The following PDE3A variants were observed in gnomAD, a reference collection of about 807,000 sequenced individuals.
PDE3A encodes the protein cGMP-inhibited 3',5'-cyclic phosphodiesterase 3A.
A neutral mutation model predicts 98.3 loss-of-function variants in PDE3A; 43 were observed. The ratio of observed to expected loss-of-function variants is 0.44; its 90% confidence interval spans 0.34 to 0.56. The LOEUF (loss-of-function observed/expected upper bound fraction) is 0.56, where lower values mean the gene tolerates loss of function less well. PDE3A is among the 20% of genes least tolerant of loss of function. The pLI, the probability that PDE3A is intolerant of heterozygous loss-of-function variation, is 0.01. For synonymous variants in PDE3A, 663 were observed against 567.9 expected, an observed-to-expected ratio of 1.17 and a Z score of -2.38; for missense variants, 1,427 against 1,440.7, an observed-to-expected ratio of 0.99 and a Z score of 0.15.
chr12:20,512,186 A>G (rs925206878), intron 1 of PDE3A, among the ~76,000 whole-genome samples: 7 of 151,960 alleles, frequency 4.6e-5, no homozygotes, highest in African/African-American at 1.5e-4. Context: ...ATACGTCGCT[A>G]TTGGTCCATT....
intron 10 of PDE3A, among the ~76,000 whole-genome samples, chr12:20,643,138 G>A (rs1345387250): frequency 2.0e-5 from 3 of 152,114 alleles, no homozygotes; most frequent in East Asian, 1.9e-4. Context: ...TAAAGAGGGC[G>A]AGGGGGTTGC....
Position 20,552,734 on chromosome 12 carries a change from A to G in PDE3A, c.961-3926A>G. The G allele has an allele frequency of 6.2e-7, 1 of 1,614,064 alleles. No homozygotes were observed. ...TGGAATGAGGTCCTGGCGTCACTCA[A>G]GGACCGGCCGGCGAGCGGCAGCCCG... On this transcript the variant is annotated intron_variant, in intron 1 of 15. Coordinates refer to ENST00000359062, the MANE Select transcript of PDE3A (RefSeq NM_000921.5). The surrounding 1 kb of genome is among the most constrained non-coding windows in gnomAD (Gnocchi z 5.1).
chr12:20,400,488 G>C (rs530132712), intron 1 of PDE3A, among the ~76,000 whole-genome samples: 1 of 140,144 alleles, frequency 7.1e-6, no homozygotes, highest in South Asian at 2.3e-4. Context: ...CTCACTGCAA[G>C]CTCCACCTCC....
intron 1 of PDE3A, among the ~76,000 whole-genome samples, chr12:20,402,130 G>A (rs1012921444): frequency 1.4e-4 from 21 of 152,062 alleles, no homozygotes; most frequent in African/African-American, 3.9e-4. Context: ...GAGCTAACAA[G>A]ACCTCCTGGG....
intron 15 of PDE3A, among the ~76,000 whole-genome samples, chr12:20,671,759 A>T (rs2120428026): frequency 7.2e-6 from 1 of 139,288 alleles, no homozygotes; most frequent in East Asian, 2.1e-4. Flanking sequence ...AATGGGCAAA[A>T]ACTGGAAGCA....
At chr12:20,496,221 T>G (rs1945916206) in intron 1 of PDE3A, among the ~76,000 whole-genome samples, 1 of 152,170 alleles carries the variant, frequency 6.6e-6, no homozygotes, top group African/African-American at 2.4e-5. Context: ...CAATTAAGTA[T>G]TCCATATGTT....
chr12:20,653,584 G>T (rs978338906), intron 14 of PDE3A, among the ~76,000 whole-genome samples: 1 of 152,056 alleles, frequency 6.6e-6, no homozygotes, highest in Non-Finnish European at 1.5e-5. Context: ...GGCTGGTCTC[G>T]ATTTGCCCAC....
At chr12:20,590,975 T>C (rs1402201362) in intron 2 of PDE3A, among the ~76,000 whole-genome samples, 2 of 152,224 alleles carry the variant, frequency 1.3e-5, no homozygotes, top group South Asian at 4.1e-4. Flanking sequence ...AGAGCACTTG[T>C]ACCAGGCATA....
chr12:20,641,095 A>G (rs1944638284), intron 10 of PDE3A, among the ~76,000 whole-genome samples: 1 of 152,142 alleles, frequency 6.6e-6, no homozygotes, highest in African/African-American at 2.4e-5. Context: ...TATTATGAGC[A>G]TATTTATTGT....
intron 2 of PDE3A, 116 bp downstream of exon 2, chr12:20,556,826 G>A (rs536114515): frequency 7.2e-5 from 56 of 774,772 alleles, no homozygotes; most frequent in Middle Eastern, 4.6e-4. Flanking sequence ...AAATAACCAT[G>A]CCATTTGTTT....
At position 20,616,230 on chromosome 12, in the gene PDE3A, C is replaced by T. The variant is rs532896888; in HGVS notation, c.1270C>T (p.Arg424Cys). Residue 424 changes from arginine to cysteine, a missense_variant and splice_region_variant, in exon 4 of 16, where the codon CGC becomes TGC. Physicochemically the swap from Arg to Cys is radical, Grantham distance 180. Transcript: ENST00000359062. ...TAATGAAGTCAAGTCTCTTTCCTAG[C>T]GCCTGAGAAGGAGTTTGCCTCCTGG... is the stretch of plus-strand genomic sequence containing the variant. ...SEKDKLAIPKRLRRSLPPGLL... is the reference protein window; with the variant it reads ...SEKDKLAIPKCLRRSLPPGLL... 2.2e-5 allele frequency: 36 copies of T among 1,613,372 alleles called. No homozygotes were observed. In the East Asian group the frequency reaches 2.9e-4, roughly 13 times the overall value.
chr12:20,447,340 G>A (rs1175909589), intron 1 of PDE3A, among the ~76,000 whole-genome samples: 1 of 152,240 alleles, frequency 6.6e-6, no homozygotes, highest in Non-Finnish European at 1.5e-5. Flanking sequence ...TATCCTTTGT[G>A]TGCTAATAAG....
chr12:20,371,501 C>A (rs992663099), intron 1 of PDE3A: 43 of 966,508 alleles, frequency 4.4e-5, no homozygotes, highest in Non-Finnish European at 5.2e-5. Context: ...TTAGGTTATT[C>A]TGTGGATAAT....
intron 15 of PDE3A, among the ~76,000 whole-genome samples, chr12:20,657,161 A>G (rs914365233): frequency 2.0e-5 from 3 of 152,216 alleles, no homozygotes; most frequent in African/African-American, 7.2e-5. Context: ...ATTAGTATTT[A>G]CCAAATATTG....
chr12:20,636,930 C>T (rs1043904258), intron 8 of PDE3A, among the ~76,000 whole-genome samples, 170 bp from the exon 9 acceptor site: 11 of 152,114 alleles, frequency 7.2e-5, no homozygotes, highest in African/African-American at 1.9e-4. Context: ...CTTACTTTGG[C>T]GTCAATGTCT....
chr12:20,672,517 C>T (rs1449793603), intron 15 of PDE3A, among the ~76,000 whole-genome samples: 1 of 151,900 alleles, frequency 6.6e-6, no homozygotes, highest in Non-Finnish European at 1.5e-5. Context: ...AAGAATGGAA[C>T]AGAACAGAGC....
chr12:20,443,363 A>T (rs1264437860), intron 1 of PDE3A, among the ~76,000 whole-genome samples: 1 of 152,106 alleles, frequency 6.6e-6, no homozygotes, highest in Non-Finnish European at 1.5e-5. Context: ...ACGTAAGGGG[A>T]TATGGCTGAC....
chr12:20,560,119 G>A (rs2121281540), intron 2 of PDE3A, among the ~76,000 whole-genome samples: 1 of 152,212 alleles, frequency 6.6e-6, no homozygotes, highest in African/African-American at 2.4e-5. Flanking sequence ...GACAAGTGAA[G>A]GTGACAATTC....
At chr12:20,511,178 A>T (rs1302232318) in intron 1 of PDE3A, among the ~76,000 whole-genome samples, 1 of 152,074 alleles carries the variant, frequency 6.6e-6, no homozygotes, top group African/African-American at 2.4e-5. Context: ...AAGTGGGTAG[A>T]TATGAAACCA....
Sources: gnomAD v4.1 joint callset for allele counts (sites outside exome capture counted in the v4.1 genomes callset) on GRCh38, gnomAD v4.1.1 for gene constraint, Gnocchi (gnomAD v3.1) non-coding constraint, MANE v1.5 for transcripts, NCBI Gene and HGNC (gene_info 2026-07-23, HGNC 2026-07-21) for gene names.